The following LSMEM2 variants were observed in gnomAD, a reference collection of about 807,000 sequenced individuals.
LSMEM2 encodes the protein leucine-rich single-pass membrane protein 2.
A neutral mutation model predicts 17.3 loss-of-function variants in LSMEM2; 20 were observed. The ratio of observed to expected loss-of-function variants is 1.16; its 90% CI spans 0.81 to 1.68. The LOEUF (loss-of-function observed/expected upper bound fraction) is 1.68, where lower values mean the gene tolerates loss of function less well. Ranked by LOEUF, LSMEM2 falls within the 40% of genes most tolerant of loss-of-function variation. The probability of loss-of-function intolerance (pLI) is 0.00; values close to 1 mark genes in which losing one functional copy is unlikely to be tolerated. For missense variants in LSMEM2, 207 were observed against 214.3 expected (o/e 0.97, Z 0.21); for synonymous variants, 94 against 97.8 (o/e 0.96, Z 0.23).
Position 50,287,350 on chromosome 3 carries a change from T to G in LSMEM2, c.*148T>G. 2 of 1,060,090 alleles carry G rather than the reference T, an allele frequency of 1.9e-6. No homozygotes were observed. The highest frequency in any genetic ancestry group is 1.4e-6 in the Non-Finnish European group (1 of 731,484). 65.7% of individuals were successfully genotyped at this position (1,060,090 alleles called of 1,614,324 possible). On this transcript the variant is annotated 3_prime_UTR_variant, in exon 4 of 4. Transcript: ENST00000316436. ...GTACAAGAACCTGTTGTTAACTTAATGGCTGCCTCCCTCTCCTGATCTCTT... is the reference window on the plus strand; with the variant it reads ...GTACAAGAACCTGTTGTTAACTTAAGGGCTGCCTCCCTCTCCTGATCTCTT...
upstream of LSMEM2, among the ~76,000 whole-genome samples, chr3:50,278,575 T>C (rs587699785): frequency 7.4e-4 from 90 of 122,298 alleles, 2 homozygotes; most frequent in Non-Finnish European, 4.0e-4. Context: ...ATGGGTGCTG[T>C]TGGTGTATCT....
rs1320413797 is a variant in LSMEM2 at position 50,286,499 on chromosome 3, G to A, written c.87G>A (p.Gln29=). 1 of 1,609,876 alleles carries A rather than the reference G, an allele frequency of 6.2e-7. No homozygotes were observed. The highest frequency in any genetic ancestry group is 8.5e-7 in the Non-Finnish European group (1 of 1,178,766). ...CCGTGGCGCCAATGATGCCCAGCCA[G>A]AGGAGCAGGGGGCCATTGGCCCCCA... ...EDSVAPMMPS[Q]RSRGPLAPNH... The change falls in exon 2 of 4, where the codon CAG becomes CAA. Residue 29 remains glutamine (Q), a synonymous_variant. Transcript: ENST00000316436.
chr3:50,279,103 C>T lies in LSMEM2; in HGVS notation c.-11C>T, dbSNP rs1553707465. The T allele has an allele frequency of 6.2e-7, 1 of 1,614,048 alleles. No individual in the cohort carries two copies. The highest frequency in any genetic ancestry group is 1.1e-5 in the South Asian group (1 of 91,078). ...GGAGCCACTGCTGCATTTGTCCAGT[C>T]CTGCTACTGGATGCCATCATTGGCC... is the stretch of plus-strand genomic sequence containing the variant. On this transcript the variant is annotated 5_prime_UTR_variant, in exon 1 of 4. Transcript: ENST00000316436.
Position 50,288,094 on chromosome 3 carries a change from A to T in LSMEM2, c.*892A>T. ...TTTTGGTTTTGTCATTAAAAAAAAT[A>T]AAGTGACAAATACTGGTGGAGACCA... On this transcript the variant is annotated 3_prime_UTR_variant, in exon 4 of 4. Transcript: ENST00000316436. The T allele has an allele frequency of 8.7e-7, 1 of 1,143,220 alleles. No individual in the cohort carries two copies. The highest frequency in any genetic ancestry group is 1.5e-5 in the African/African-American group (1 of 64,594). The allele number at this position is 1,143,220 out of a possible 1,614,324, so 70.8% of individuals were successfully genotyped here.
At chr3:50,283,008 A>C (rs1575483434) in intron 1 of LSMEM2, among the ~76,000 whole-genome samples, 1 of 150,964 alleles carries the variant, frequency 6.6e-6, no homozygotes, top group African/African-American at 2.4e-5. Context: ...AACATGGTGA[A>C]ACCCCGTCTC....
rs781933535 is a variant in LSMEM2, at chr3:50,286,791, G to A, written c.290G>A (p.Gly97Glu). Residue 97 changes from glycine to glutamate, a missense_variant, in exon 3 of 4, where the codon GGG (glycine) becomes GAG (glutamate). Gly to Glu is a moderately conservative substitution (Grantham distance 98). Transcript: ENST00000316436. ...AGCSPVYRRG[G>E]FLLLLALLVL... ...TGCAGCCCTGTGTACAGACGAGGAG[G>A]GTTCCTGCTGCTGCTCGCGCTGCTG... 6.2e-7 allele frequency: 1 copy of A among 1,614,170 alleles called. No homozygotes were observed. The highest frequency in any genetic ancestry group is 8.5e-7 in the Non-Finnish European group (1 of 1,180,048).
rs2109272230 is a variant in LSMEM2, at chr3:50,287,354, T to G, written c.*152T>G. The G allele has an allele frequency of 9.8e-7, 1 of 1,022,374 alleles. No homozygotes were observed. Among genetic ancestry groups the G allele is most frequent in the Admixed American group, 2.2e-5 (1 of 45,404 alleles). The allele number at this position is 1,022,374 out of a possible 1,614,324, so 63.3% of individuals were successfully genotyped here. A position where few individuals can be genotyped will look rare whatever the true frequency, so the allele number is the denominator to read the frequency against. On this transcript the variant is annotated 3_prime_UTR_variant, in exon 4 of 4. Coordinates refer to ENST00000316436, the MANE Select transcript of LSMEM2 (RefSeq NM_153215.3). ...AAGAACCTGTTGTTAACTTAATGGC[T>G]GCCTCCCTCTCCTGATCTCTTCAAG...
intron 1 of LSMEM2, among the ~76,000 whole-genome samples, chr3:50,285,261 G>A (rs587647544): frequency 1.3e-5 from 2 of 151,818 alleles, no homozygotes; most frequent in East Asian, 1.9e-4. Context: ...AACCCGGGAG[G>A]CAGAGGTTGC....
rs1701557517 is a variant in LSMEM2, at chr3:50,286,866, T to C, written c.361+4T>C. 2 of 1,613,446 alleles carry C rather than the reference T, an allele frequency of 1.2e-6. No homozygotes were observed. The highest frequency in any genetic ancestry group is 1.7e-6 in the Non-Finnish European group (2 of 1,179,928). On this transcript the variant is annotated splice_donor_region_variant and intron_variant, in intron 3 of 3. Coordinates refer to ENST00000316436, the MANE Select transcript of LSMEM2 (RefSeq NM_153215.3). ...CTCCTGGCTGTCTACCTGAGCGGTA[T>C]GGACGCATAGGGTGCTAGTAGGAAT...
chr3:50,282,743 G>T (rs1701429364), intron 1 of LSMEM2, among the ~76,000 whole-genome samples: 1 of 152,152 alleles, frequency 6.6e-6, no homozygotes, highest in South Asian at 2.1e-4. Flanking sequence ...AAATTAGCTG[G>T]GCATGGTGGC....
At chr3:50,280,552 C>A (rs1057002932) in intron 1 of LSMEM2, among the ~76,000 whole-genome samples, 2 of 150,894 alleles carry the variant, frequency 1.3e-5, no homozygotes, top group South Asian at 2.1e-4. Context: ...TCTTGAACTC[C>A]TGGCCTCAAC....
At chr3:50,286,305 C>A in intron 1 of LSMEM2, 166 bp from the exon 2 acceptor site, 1 of 584,128 alleles carries the variant, frequency 1.7e-6, no homozygotes, top group Non-Finnish European at 2.2e-6. Context: ...GGTCTGGGAT[C>A]ATCCTGGATC....
At position 50,287,385 on chromosome 3, in the gene LSMEM2, C is replaced by T; in HGVS notation, c.*183C>T. The T allele has an allele frequency of 1.2e-6, 1 of 816,360 alleles. No individual in the cohort carries two copies. Among genetic ancestry groups the T allele is most frequent in the South Asian group, 1.8e-5 (1 of 55,868 alleles). 50.6% of individuals were successfully genotyped at this position (816,360 alleles called of 1,614,324 possible). On this transcript the variant is annotated 3_prime_UTR_variant, in exon 4 of 4. Coordinates refer to ENST00000316436, the MANE Select transcript of LSMEM2 (RefSeq NM_153215.3). ...CCTCTCCTGATCTCTTCAAGCCAGG[C>T]CTAGCCAAGCCTCTGGTGCCAAAGC... is the stretch of plus-strand genomic sequence containing the variant.
intron 1 of LSMEM2, among the ~76,000 whole-genome samples, chr3:50,283,356 G>A (rs1487628514): frequency 2.6e-5 from 4 of 152,008 alleles, no homozygotes; most frequent in African/African-American, 9.7e-5. Context: ...GGCCGGGCGC[G>A]GTGGTTCACA....
intron 1 of LSMEM2, among the ~76,000 whole-genome samples, chr3:50,283,626 CAAAAAAAAAA>C (rs782534727): frequency 3.7e-5 from 2 of 53,594 alleles, no homozygotes; most frequent in Admixed American, 4.4e-4. Context: ...GACTCCATCT[CAAAAAAAAAA>C]AAAAAAAAAA....
chr3:50,287,296 A>C lies in LSMEM2; in HGVS notation c.*94A>C. On this transcript the variant is annotated 3_prime_UTR_variant, in exon 4 of 4. Coordinates refer to ENST00000316436, the MANE Select transcript of LSMEM2 (RefSeq NM_153215.3). ...CTCCTTCCCTACTGCTGGCTGCCAC[A>C]TCTACACTATTTCCTTGGTGAGATT... 1 of 1,494,208 alleles carries C rather than the reference A, an allele frequency of 6.7e-7. No individual in the cohort carries two copies. The highest frequency in any genetic ancestry group is 1.2e-5 in the South Asian group (1 of 85,726). The allele number at this position is 1,494,208 out of a possible 1,614,324, so 92.6% of individuals were successfully genotyped here.
chr3:50,284,018 C>A (rs977824563), intron 1 of LSMEM2, among the ~76,000 whole-genome samples: 1 of 151,980 alleles, frequency 6.6e-6, no homozygotes, highest in Non-Finnish European at 1.5e-5. Context: ...CCAGCCTGGC[C>A]AACATGGCAA....
chr3:50,286,685 C>A lies in LSMEM2; in HGVS notation c.184C>A (p.Arg62Ser). Reference sequence around the variant, plus strand: ...TCCCATCCACCCAGCAGGCACACTGCGCCCCTATCTAACTGAAGAGGCACG... The same window carrying A: ...TCCCATCCACCCAGCAGGCACACTGAGCCCCTATCTAACTGAAGAGGCACG... Reference protein sequence around the residue: ...SDLHSGAGTLRPYLTEEARPW... With the variant: ...SDLHSGAGTLSPYLTEEARPW... Residue 62 changes from arginine (R) to serine (S), a missense_variant, in exon 3 of 4, where the codon CGC becomes AGC. Coordinates refer to ENST00000316436, the MANE Select transcript of LSMEM2 (RefSeq NM_153215.3). 1.2e-6 allele frequency: 2 copies of A among 1,613,774 alleles called. No homozygotes were observed. Among genetic ancestry groups the A allele is most frequent in the Non-Finnish European group, 1.7e-6 (2 of 1,179,798 alleles).
chr3:50,286,556 G>A lies in LSMEM2; in HGVS notation c.144G>A (p.Val48=), dbSNP rs1251881216. ...NHVHEVCLHQ[V]ESISDLHSGA... The stretch of plus-strand genomic sequence containing the variant: ...TGCATGAGGTATGCCTGCACCAGGT[G>A]GAGTCCATCAGCGACCTACATAGTG... Residue 48 remains valine, a synonymous_variant, in exon 2 of 4, where the codon GTG becomes GTA. Coordinates refer to ENST00000316436, the MANE Select transcript of LSMEM2 (RefSeq NM_153215.3). 10 of 1,612,358 alleles carry A rather than the reference G, an allele frequency of 6.2e-6. No homozygotes were observed. Among genetic ancestry groups the A allele is most frequent in the African/African-American group, 1.3e-5 (1 of 74,924 alleles).
Sources: allele counts gnomAD v4.1 joint callset (sites outside exome capture counted in the v4.1 genomes callset), GRCh38; gene constraint gnomAD v4.1.1; transcripts MANE v1.5; gene names NCBI Gene and HGNC (gene_info 2026-07-23, HGNC 2026-07-21).